OSBPL3: variants seen among roughly 807,000 people sequenced by gnomAD.
The protein encoded by OSBPL3 is oxysterol-binding protein-related protein 3.
A neutral mutation model predicts 120.1 loss-of-function variants in OSBPL3; 65 were observed. The ratio of observed to expected loss-of-function variants is 0.54; its 90% CI spans 0.44 to 0.67. OSBPL3 has a LOEUF of 0.67. Ranked by LOEUF, OSBPL3 falls within the 30% of genes least tolerant of loss-of-function variation. The pLI, the probability that OSBPL3 is intolerant of heterozygous loss-of-function variation, is 0.00. For synonymous variants in OSBPL3, 416 were observed against 402.6 expected (o/e 1.03, Z -0.40); for missense variants, 1,004 against 1,082.1 (o/e 0.93, Z 1.01).
chr7:24,818,032 GT>G lies in OSBPL3; in HGVS notation c.1949-1345del, dbSNP rs1794679886. Among the ~76,000 whole-genome samples the G allele has an allele frequency of 6.6e-6, 1 of 152,184 alleles. No individual in the cohort carries two copies. Among genetic ancestry groups the G allele is most frequent in the Admixed American group, 6.5e-5 (1 of 15,278 alleles). On this transcript the variant is annotated intron_variant, in intron 17 of 22. Coordinates refer to ENST00000313367, the MANE Select transcript of OSBPL3 (RefSeq NM_015550.4). This position sits in a 1 kb window ranked among gnomAD's most constrained non-coding sequence, Gnocchi z 4.0. ...GTGGGGAGCCCTGGCTGGGGTCCAG[GT>G]GAGAGAGGTGGGTCTGGGACCAGCG...
At chr7:24,846,821 T>C (rs1056366394) in intron 12 of OSBPL3, among the ~76,000 whole-genome samples, 1 of 151,972 alleles carries the variant, frequency 6.6e-6, no homozygotes, top group Non-Finnish European at 1.5e-5. Flanking sequence ...TCCCAGCACT[T>C]TGGGAGGCCG....
At chr7:24,962,321 C>T (rs1358602919) in intron 1 of OSBPL3, among the ~76,000 whole-genome samples, 3 of 145,010 alleles carry the variant, frequency 2.1e-5, no homozygotes, top group African/African-American at 7.7e-5. Context: ...GAAAGAAAGA[C>T]AGAAAGACAA....
chr7:24,859,351 G>GA (rs1327645269), intron 10 of OSBPL3, among the ~76,000 whole-genome samples: 9 of 150,082 alleles, frequency 6.0e-5, no homozygotes, highest in Non-Finnish European at 1.2e-4. Context: ...TATGAAAATT[G>GA]AAAAAAAAGT....
In OSBPL3 at chr7:24,798,556, T is replaced by C. The variant is rs1791957952; in HGVS notation, c.*1627A>G. The C allele has an allele frequency of 6.6e-6, 1 of 152,246 alleles. No homozygotes were observed. Among genetic ancestry groups the C allele is most frequent in the Non-Finnish European group, 1.5e-5 (1 of 68,050 alleles). 9.4% of individuals were successfully genotyped at this position (152,246 alleles called of 1,614,324 possible). ...CATCTCGATAAAATGAATCCAATAT[T>C]TAATGAGTTGTTTTAAAATGCCAGT... On this transcript the variant is annotated 3_prime_UTR_variant, in exon 23 of 23. Transcript: ENST00000313367. The surrounding 1 kb of genome is among the most constrained non-coding windows in gnomAD (Gnocchi z 4.6).
chr7:24,975,428 C>A (rs1817473475), intron 1 of OSBPL3, among the ~76,000 whole-genome samples: 1 of 152,194 alleles, frequency 6.6e-6, no homozygotes, highest in African/African-American at 2.4e-5. Flanking sequence ...TGATAAAATA[C>A]TGTGGATCAA....
chr7:24,883,811 T>C lies in OSBPL3; in HGVS notation c.96+8566A>G, dbSNP rs1013798552. ...AAGTCCTGACAACTCAAATATGTCA[T>C]TTGAGCTGATACTTTAACCTCTTCT... On this transcript the variant is annotated intron_variant, in intron 2 of 22. Transcript: ENST00000313367. The surrounding 1 kb of genome is among the most constrained non-coding windows in gnomAD (Gnocchi z 5.4). 1.3e-5 allele frequency among the ~76,000 whole-genome samples: 2 copies of C among 152,206 alleles called. No individual in the cohort carries two copies. The highest frequency in any genetic ancestry group is 2.1e-4 in the South Asian group (1 of 4,824).
At position 24,936,459 on chromosome 7, in the gene OSBPL3, A is replaced by T. The variant is rs17840679; in HGVS notation, c.-150+43427T>A. Among the ~76,000 whole-genome samples, 12,249 of 152,220 alleles carry T rather than the reference A, an allele frequency of 0.08. 726 individuals carry two copies. The highest frequency in any genetic ancestry group is 0.23 in the East Asian group (1,175 of 5,166). On this transcript the variant is annotated intron_variant, in intron 1 of 22. Transcript: ENST00000313367. This position sits in a 1 kb window ranked among gnomAD's most constrained non-coding sequence, Gnocchi z 4.2. ...AACTGCAATGCAATACAATGGGCCA[A>T]GTTCTTAACACCACCAATGAGAATA...
rs942914224 is a variant in OSBPL3 at position 24,808,875 on chromosome 7, A to C, written c.2317+932T>G. ...GAAATGTTCCTGAGAAAAGAGAGGC[A>C]CGAGAGAGGAAAGCTCTTTTGTCCT... On this transcript the variant is annotated intron_variant, in intron 20 of 22. Transcript: ENST00000313367. The surrounding 1 kb of genome is among the most constrained non-coding windows in gnomAD (Gnocchi z 4.6). Among the ~76,000 whole-genome samples the C allele has an allele frequency of 2.0e-5, 3 of 152,230 alleles. No individual in the cohort carries two copies. Among genetic ancestry groups the C allele is most frequent in the Non-Finnish European group, 2.9e-5 (2 of 68,038 alleles).
rs1806829831 is a variant in OSBPL3 at position 24,900,503 on chromosome 7, T to C, written c.-149-7882A>G. ...TACATGAGGACTTAGTGTACATTTG[T>C]CAGGGATTAGAGTAGACCCTGAGTT... On this transcript the variant is annotated intron_variant, in intron 1 of 22. Coordinates refer to ENST00000313367, the MANE Select transcript of OSBPL3 (RefSeq NM_015550.4). This position sits in a 1 kb window ranked among gnomAD's most constrained non-coding sequence, Gnocchi z 4.5. 6.6e-6 allele frequency among the ~76,000 whole-genome samples: 1 copy of C among 152,224 alleles called. No individual in the cohort carries two copies. The highest frequency in any genetic ancestry group is 1.9e-4 in the East Asian group (1 of 5,202).
At position 24,804,429 on chromosome 7, in the gene OSBPL3, T is replaced by A; in HGVS notation, c.2453A>T (p.Glu818Val). 3 of 1,613,546 alleles carry A rather than the reference T, an allele frequency of 1.9e-6. No homozygotes were observed. Among genetic ancestry groups the A allele is most frequent in the Non-Finnish European group, 2.5e-6 (3 of 1,179,772 alleles). Residue 818 changes from glutamate (E) to valine (V), a missense_variant, in exon 22 of 23, where the codon GAG (glutamate) becomes GTG (valine). Physicochemically the swap from Glu to Val is moderately radical, Grantham distance 121. Transcript: ENST00000313367. The surrounding 1 kb of genome is among the most constrained non-coding windows in gnomAD (Gnocchi z 5.4). ...TRFRPDQRFL[E>V]EGNLEEAEIQ... Reference sequence around the variant, plus strand: ...TTCAGCTTCTTCTAAGTTCCCTTCCTCTAGAAACCTGAGGCATCGAGGAAA... The same window carrying A: ...TTCAGCTTCTTCTAAGTTCCCTTCCACTAGAAACCTGAGGCATCGAGGAAA...
At chr7:24,979,807 C>G (rs1818062538) in intron 1 of OSBPL3, 79 bp downstream of exon 1, 1 of 679,584 alleles carries the variant, frequency 1.5e-6, no homozygotes, top group Admixed American at 7.3e-5. Flanking sequence ...GCCCCGCAAA[C>G]AGCAGCCCTT....
rs1467373268 is a variant in OSBPL3, at chr7:24,855,841, C to A, written c.1028-3207G>T. Among the ~76,000 whole-genome samples, 1 of 152,140 alleles carries A rather than the reference C, an allele frequency of 6.6e-6. No individual in the cohort carries two copies. The highest frequency in any genetic ancestry group is 1.5e-5 in the Non-Finnish European group (1 of 68,024). On this transcript the variant is annotated intron_variant, in intron 10 of 22. Transcript: ENST00000313367. The surrounding 1 kb of genome is among the most constrained non-coding windows in gnomAD (Gnocchi z 4.3). The stretch of plus-strand genomic sequence containing the variant: ...AATGAGTGCATCACATCTATGGTTA[C>A]CTGACAATAAATAAAGCCACACAGA...
chr7:24,979,853 A>AGGCCCCCCGACACCCC, intron 1 of OSBPL3, 33 bp downstream of exon 1: 15 of 947,548 alleles, frequency 1.6e-5, no homozygotes, highest in Non-Finnish European at 1.8e-5. Flanking sequence ...CCCGACACCC[A>AGGCCCCCCGACACCCC]GGCCCCATTT....
chr7:24,954,727 G>A lies in OSBPL3; in HGVS notation c.-150+25159C>T, dbSNP rs77457900. Among the ~76,000 whole-genome samples, 1,356 of 152,206 alleles carry A rather than the reference G, an allele frequency of 8.9e-3. 4 individuals carry two copies. The highest frequency in any genetic ancestry group is 0.015 in the Non-Finnish European group (1,018 of 68,004). On this transcript the variant is annotated intron_variant, in intron 1 of 22. Transcript: ENST00000313367. The stretch of plus-strand genomic sequence containing the variant: ...GTGGACCCTAAACAAACAAAAAGTC[G>A]TTTTGCATTGACCCTCTCTTTAATT...
At position 24,936,672 on chromosome 7, in the gene OSBPL3, C is replaced by A. The variant is rs1812460939; in HGVS notation, c.-150+43214G>T. ...TCTAGTCACAGAGACTGCCTGCAGG[C>A]ACAAATACTTTGAGGGCCTGCTGGA... is the stretch of plus-strand genomic sequence containing the variant. On this transcript the variant is annotated intron_variant, in intron 1 of 22. Coordinates refer to ENST00000313367, the MANE Select transcript of OSBPL3 (RefSeq NM_015550.4). The surrounding 1 kb of genome is among the most constrained non-coding windows in gnomAD (Gnocchi z 4.2). Among the ~76,000 whole-genome samples the A allele has an allele frequency of 6.6e-6, 1 of 152,040 alleles. No homozygotes were observed. Among genetic ancestry groups the A allele is most frequent in the Non-Finnish European group, 1.5e-5 (1 of 68,010 alleles).
chr7:24,980,697 C>G (rs1818244922), upstream of OSBPL3, among the ~76,000 whole-genome samples: 1 of 151,804 alleles, frequency 6.6e-6, no homozygotes, highest in South Asian at 2.1e-4. Context: ...AGGCAGCACT[C>G]TAGGCACGAG....
At chr7:24,923,079 C>T (rs556171492) in intron 1 of OSBPL3, among the ~76,000 whole-genome samples, 3 of 152,306 alleles carry the variant, frequency 2.0e-5, no homozygotes, top group East Asian at 3.9e-4. Flanking sequence ...ACCAATTAAG[C>T]GAATCTTCCT....
At chr7:24,807,843 G>A (rs1793260841) in intron 20 of OSBPL3, among the ~76,000 whole-genome samples, 1 of 152,072 alleles carries the variant, frequency 6.6e-6, no homozygotes. Context: ...TCTACTTACA[G>A]CCTAAGCTCT....
chr7:24,809,801 A>G lies in OSBPL3; in HGVS notation c.2317+6T>C, dbSNP rs1793535912. The G allele has an allele frequency of 6.2e-7, 1 of 1,613,976 alleles. No individual in the cohort carries two copies. Among genetic ancestry groups the G allele is most frequent in the Non-Finnish European group, 8.5e-7 (1 of 1,179,948 alleles). ...CAGCCTGGGGTCCACAAACCCAGAC[A>G]CTCACTTGCTCTCCATACACAGGCA... On this transcript the variant is annotated splice_donor_region_variant and intron_variant, in intron 20 of 22. Coordinates refer to ENST00000313367, the MANE Select transcript of OSBPL3 (RefSeq NM_015550.4).
Sources: gnomAD v4.1 joint callset for allele counts (sites outside exome capture counted in the v4.1 genomes callset) on GRCh38, gnomAD v4.1.1 for gene constraint, Gnocchi (gnomAD v3.1) non-coding constraint, MANE v1.5 for transcripts, NCBI Gene and HGNC (gene_info 2026-07-23, HGNC 2026-07-21) for gene names.